ADAMTSL3: variants seen among roughly 807,000 people sequenced by gnomAD.
ADAMTSL3 encodes the protein ADAMTS like 3.
Under a neutral mutation model 201.7 loss-of-function variants are expected in ADAMTSL3, and 128 were observed. The observed-to-expected ratio is 0.63, with a 90% confidence interval of 0.55 to 0.73. The LOEUF (loss-of-function observed/expected upper bound fraction) is 0.73, where lower values mean the gene tolerates loss of function less well. Ranked by LOEUF, ADAMTSL3 falls within the 30% of genes least tolerant of loss-of-function variation. The pLI is 0.00. For synonymous variants in ADAMTSL3, 738 were observed against 748.4 expected, an observed-to-expected ratio of 0.99 and a Z score of 0.23; for missense variants, 1,990 against 2,119.6, an observed-to-expected ratio of 0.94 and a Z score of 1.20.
At position 83,872,177 on chromosome 15, in the gene ADAMTSL3, G is replaced by GT. The variant is rs551726245; in HGVS notation, c.960+1228dup. The stretch of plus-strand genomic sequence containing the variant: ...TTTTTACATCAAAAGATCAGGGTTT[G>GT]TTTTTTTTTTCTTTCTGCTTCTCTG... On this transcript the variant is annotated intron_variant, in intron 9 of 29. Coordinates refer to ENST00000286744, the MANE Select transcript of ADAMTSL3 (RefSeq NM_207517.3). Among the ~76,000 whole-genome samples the GT allele has an allele frequency of 6.5e-4, 96 of 148,344 alleles. No homozygotes were observed. The Middle Eastern group carries it at 0.01, about 16-fold the overall frequency.
chr15:83,680,887 T>G (rs886785951), intron 2 of ADAMTSL3, among the ~76,000 whole-genome samples: 1 of 152,170 alleles, frequency 6.6e-6, no homozygotes, highest in African/African-American at 2.4e-5. Context: ...TTTCTTTAAT[T>G]TCCTTAAGAG....
intron 19 of ADAMTSL3, among the ~76,000 whole-genome samples, chr15:83,953,246 A>AT (rs1288610266): frequency 1.3e-5 from 2 of 150,578 alleles, no homozygotes; most frequent in African/African-American, 2.4e-5. Context: ...AGTACAGGTG[A>AT]TTTTTTTCTG....
chr15:83,879,003 C>T (rs891156575), intron 9 of ADAMTSL3, among the ~76,000 whole-genome samples: 3 of 151,998 alleles, frequency 2.0e-5, no homozygotes, highest in Non-Finnish European at 4.4e-5. Context: ...CGTTTTGTTT[C>T]AATGAATTTG....
At chr15:83,891,798 G>C (rs1365199111) in intron 12 of ADAMTSL3, among the ~76,000 whole-genome samples, 1 of 152,182 alleles carries the variant, frequency 6.6e-6, no homozygotes, top group East Asian at 1.9e-4. Context: ...TGTTTTAATT[G>C]ATTTAATTTT....
chr15:83,982,865 G>A lies in ADAMTSL3; in HGVS notation c.3237G>A (p.Gln1079=). Residue 1079 remains glutamine (Q), a synonymous_variant, in exon 21 of 30, where the codon CAG becomes CAA. Coordinates refer to ENST00000286744, the MANE Select transcript of ADAMTSL3 (RefSeq NM_207517.3). ...STNSWELKNK[Q]FEAAVKQGAY... Reference sequence around the variant, plus strand: ...ACTCCTGGGAGTTGAAGAATAAGCAGTTTGAAGCAGCAGTTAAACAAGGAG... The same window carrying A: ...ACTCCTGGGAGTTGAAGAATAAGCAATTTGAAGCAGCAGTTAAACAAGGAG... 6.2e-7 allele frequency: 1 copy of A among 1,614,114 alleles called. No homozygotes were observed. Among genetic ancestry groups the A allele is most frequent in the African/African-American group, 1.3e-5 (1 of 75,070 alleles).
intron 4 of ADAMTSL3, among the ~76,000 whole-genome samples, chr15:83,791,865 AAAAAAG>A (rs1436052270): frequency 2.0e-5 from 3 of 152,078 alleles, no homozygotes; most frequent in Non-Finnish European, 4.4e-5. Flanking sequence ...TCTCAAAAAA[AAAAAAG>A]AAAAAGAAAA....
At chr15:84,019,406 A>T (rs2068153699) in intron 25 of ADAMTSL3, among the ~76,000 whole-genome samples, 1 of 150,050 alleles carries the variant, frequency 6.7e-6, no homozygotes, top group Admixed American at 6.7e-5. Flanking sequence ...TATTTACCCG[A>T]AAAAAAAAAT....
chr15:83,975,203 C>T (rs559048972), intron 20 of ADAMTSL3, among the ~76,000 whole-genome samples: 5 of 151,906 alleles, frequency 3.3e-5, no homozygotes, highest in East Asian at 2.0e-4. Context: ...GGGGTTTCAC[C>T]ATGTTAGCCA....
At chr15:83,968,798 G>C (rs2067136979) in intron 19 of ADAMTSL3, among the ~76,000 whole-genome samples, 1 of 151,860 alleles carries the variant, frequency 6.6e-6, no homozygotes, top group Non-Finnish European at 1.5e-5. Context: ...AGAAAATGTG[G>C]AACACCATGG....
intron 17 of ADAMTSL3, among the ~76,000 whole-genome samples, chr15:83,928,887 T>C (rs956500098): frequency 1.3e-5 from 2 of 152,240 alleles, no homozygotes; most frequent in East Asian, 3.8e-4. Context: ...AGTGGCCTTT[T>C]ATGGTTTTTG....
chr15:83,866,056 G>A (rs1336445360), intron 8 of ADAMTSL3, among the ~76,000 whole-genome samples: 2 of 152,198 alleles, frequency 1.3e-5, no homozygotes, highest in African/African-American at 2.4e-5. Context: ...AAACCATGAT[G>A]AGATACCATC....
At chr15:83,908,555 T>A (rs536448743) in intron 15 of ADAMTSL3, among the ~76,000 whole-genome samples, 8 of 152,372 alleles carry the variant, frequency 5.3e-5, no homozygotes, top group Non-Finnish European at 1.2e-4. Flanking sequence ...GACATAATAT[T>A]CATAGGACTC....
rs370813596 is a variant in ADAMTSL3 at position 84,004,542 on chromosome 15, T to C, written c.3974-10000T>C. On this transcript the variant is annotated intron_variant, in intron 23 of 29. Coordinates refer to ENST00000286744, the MANE Select transcript of ADAMTSL3 (RefSeq NM_207517.3). ...TGAACCAGGAGTGAGTAATCAGGAG[T>C]AAACTAGAATTAACCAGGAGTGAGT... Among the ~76,000 whole-genome samples the C allele has an allele frequency of 6.6e-5, 10 of 151,348 alleles. 1 individual carries two copies. In the East Asian group the frequency reaches 2.0e-3, roughly 30 times the overall value.
At chr15:83,743,005 G>T (rs1160567989) in intron 3 of ADAMTSL3, among the ~76,000 whole-genome samples, 1 of 152,030 alleles carries the variant, frequency 6.6e-6, no homozygotes, top group Non-Finnish European at 1.5e-5. Context: ...GCCTGTTTCT[G>T]TGTGATTCAG....
At chr15:83,905,381 G>A (rs908820129) in intron 15 of ADAMTSL3, among the ~76,000 whole-genome samples, 7 of 152,208 alleles carry the variant, frequency 4.6e-5, no homozygotes, top group Non-Finnish European at 1.0e-4. Context: ...CAGCATGTCA[G>A]GTATTTGGAA....
At chr15:83,731,382 C>G (rs1707454458) in intron 3 of ADAMTSL3, among the ~76,000 whole-genome samples, 1 of 152,012 alleles carries the variant, frequency 6.6e-6, no homozygotes, top group African/African-American at 2.4e-5. Flanking sequence ...ATTAGGATGT[C>G]TGTTATCAAA....
At chr15:83,984,999 A>C (rs1238991243) in intron 21 of ADAMTSL3, among the ~76,000 whole-genome samples, 1 of 152,250 alleles carries the variant, frequency 6.6e-6, no homozygotes, top group Non-Finnish European at 1.5e-5. Flanking sequence ...GGTTAGTTGA[A>C]ATGTGCAATC....
rs1182708986 is a variant in ADAMTSL3 at position 84,037,468 on chromosome 15, A to C, written c.4970-232A>C. Among the ~76,000 whole-genome samples the C allele has an allele frequency of 5.9e-5, 9 of 152,228 alleles. No homozygotes were observed. The East Asian group carries it at 1.5e-3, about 26-fold the overall frequency. On this transcript the variant is annotated intron_variant, in intron 29 of 29. Coordinates refer to ENST00000286744, the MANE Select transcript of ADAMTSL3 (RefSeq NM_207517.3). ...TGCTGCTCTGAGAACTCAAAGGAGCAGCATGGGCCAGAGGGACTGGGAGGG... is the reference window on the plus strand; with the variant it reads ...TGCTGCTCTGAGAACTCAAAGGAGCCGCATGGGCCAGAGGGACTGGGAGGG...
At chr15:83,669,765 G>A (rs2061303582) in intron 2 of ADAMTSL3, among the ~76,000 whole-genome samples, 1 of 151,788 alleles carries the variant, frequency 6.6e-6, no homozygotes, top group African/African-American at 2.4e-5. Flanking sequence ...ACCGCGCCCG[G>A]CCAGGAGTGA....
Sources: allele counts gnomAD v4.1 joint callset (sites outside exome capture counted in the v4.1 genomes callset), GRCh38; gene constraint gnomAD v4.1.1; transcripts MANE v1.5; gene names NCBI Gene and HGNC (gene_info 2026-07-23, HGNC 2026-07-21).